CEP63: variants seen among roughly 807,000 people sequenced by gnomAD.
CEP63 encodes centrosomal protein of 63 kDa.
CEP63 carries 84 observed loss-of-function variants against 89.1 expected under a neutral mutation model. That is an observed-to-expected ratio of 0.94 (90% CI 0.79 to 1.13). The LOEUF (loss-of-function observed/expected upper bound fraction) is 1.13, where lower values mean the gene tolerates loss of function less well. Ranked by LOEUF, CEP63 falls within the 50% of genes most tolerant of loss-of-function variation. The pLI, the probability that CEP63 is intolerant of heterozygous loss-of-function variation, is 0.00. For missense variants in CEP63, 838 were observed against 813.3 expected (o/e 1.03, Z -0.37); for synonymous variants, 267 against 272.5 (o/e 0.98, Z 0.20).
chr3:134,636,684 G>A, the CEP63 span, among the ~76,000 whole-genome samples: 5 of 152,334 alleles, frequency 3.3e-5, no homozygotes, highest in East Asian at 9.6e-4. Flanking sequence ...CTGCAGATTG[G>A]TGAGCTCGTA....
At chr3:134,671,065 A>C in the CEP63 span, among the ~76,000 whole-genome samples, 1 of 152,194 alleles carries the variant, frequency 6.6e-6, no homozygotes, top group African/African-American at 2.4e-5. Context: ...CTGGGGCGGA[A>C]GGGAGAAGAA....
At chr3:134,571,920 G>T (rs901189104) in intron 11 of CEP63, among the ~76,000 whole-genome samples, 1 of 152,198 alleles carries the variant, frequency 6.6e-6, no homozygotes, top group African/African-American at 2.4e-5. Flanking sequence ...ATTGTAATGA[G>T]CTATGAAAAT....
chr3:134,619,545 T>C, the CEP63 span, among the ~76,000 whole-genome samples: 8 of 152,300 alleles, frequency 5.3e-5, no homozygotes, highest in East Asian at 1.4e-3. Context: ...GGCATGGGGC[T>C]CTCTCTGCTA....
intron 1 of CEP63, among the ~76,000 whole-genome samples, chr3:134,493,413 G>A (rs904392616): frequency 7.3e-5 from 11 of 151,506 alleles, no homozygotes; most frequent in African/African-American, 2.7e-4. Context: ...ACCAAAACAT[G>A]GAATCTTGGT....
chr3:134,741,724 T>C, the CEP63 span, among the ~76,000 whole-genome samples: 1 of 152,266 alleles, frequency 6.6e-6, no homozygotes. Flanking sequence ...ATATATTTAC[T>C]TCTTTTTTCC....
the CEP63 span, chr3:134,607,426 GGC>G: frequency 1.1e-5 from 11 of 985,524 alleles, no homozygotes; most frequent in Non-Finnish European, 1.3e-5. Flanking sequence ...CCCACCCACA[GGC>G]ACCCTGTGCT....
Position 134,564,936 on chromosome 3 carries a change from G to T in CEP63, c.*3401G>T. On this transcript the variant is annotated 3_prime_UTR_variant, in exon 15 of 15. Transcript: ENST00000675561. The stretch of plus-strand genomic sequence containing the variant: ...TGAAGTATCTAATAGTTAATGGGTT[G>T]TCCAAATTTGTCAGAACATTTGACT... The T allele has an allele frequency of 2.0e-6, 2 of 983,184 alleles. No individual in the cohort carries two copies. Among genetic ancestry groups the T allele is most frequent in the African/African-American group, 3.5e-5 (2 of 57,302 alleles). 60.9% of individuals were successfully genotyped at this position (983,184 alleles called of 1,614,324 possible). A position where few individuals can be genotyped will look rare whatever the true frequency, so the allele number is the denominator to read the frequency against.
At chr3:134,584,948 T>G (rs1958446034) in intron 10 of CEP63, among the ~76,000 whole-genome samples, 1 of 117,758 alleles carries the variant, frequency 8.5e-6, no homozygotes, top group Non-Finnish European at 1.8e-5. Flanking sequence ...TCTTCTAGAT[T>G]TTCTAGGGTT....
the CEP63 span, among the ~76,000 whole-genome samples, chr3:134,642,438 C>T: frequency 6.6e-6 from 1 of 152,196 alleles, no homozygotes; most frequent in East Asian, 1.9e-4. Context: ...CAGCAGTTAA[C>T]CAAGGTGGGC....
the CEP63 span, among the ~76,000 whole-genome samples, chr3:134,698,407 A>AG: frequency 2.6e-5 from 4 of 152,172 alleles, no homozygotes; most frequent in African/African-American, 9.7e-5. Flanking sequence ...TTCTGAGTGA[A>AG]GGGGGGCGGG....
the CEP63 span, among the ~76,000 whole-genome samples, chr3:134,652,913 A>G: frequency 2.0e-5 from 3 of 152,208 alleles, no homozygotes; most frequent in South Asian, 6.2e-4. Flanking sequence ...AGTGTTGGTG[A>G]TGGTGGGGGG....
At chr3:134,523,670 G>T (rs1389889776) in intron 3 of CEP63, among the ~76,000 whole-genome samples, 1 of 152,024 alleles carries the variant, frequency 6.6e-6, no homozygotes, top group Non-Finnish European at 1.5e-5. Context: ...GCTTGTTTTT[G>T]TCAGTTTTGT....
chr3:134,683,869 G>A, the CEP63 span, among the ~76,000 whole-genome samples: 1 of 151,992 alleles, frequency 6.6e-6, no homozygotes, highest in East Asian at 1.9e-4. Flanking sequence ...TGACTGGGTT[G>A]GGGTCACCTG....
intron 10 of CEP63, among the ~76,000 whole-genome samples, chr3:134,580,208 A>C (rs1454990136): frequency 6.6e-6 from 1 of 152,040 alleles, no homozygotes; most frequent in Non-Finnish European, 1.5e-5. Context: ...AAAAAAAAAA[A>C]AACACTAAGT....
At chr3:134,535,454 A>G (rs1305069033) in intron 5 of CEP63, 1 of 146,632 alleles carries the variant, frequency 6.8e-6, no homozygotes, top group Non-Finnish European at 1.5e-5. Flanking sequence ...CTCAGTCTCC[A>G]TTATTCCTTA....
the CEP63 span, among the ~76,000 whole-genome samples, chr3:134,756,670 G>A: frequency 6.6e-6 from 1 of 152,158 alleles, no homozygotes. Context: ...TATCCTTATT[G>A]ACAGCCTCGT....
chr3:134,579,983 G>A (rs1370772063), downstream of CEP63, among the ~76,000 whole-genome samples: 2 of 152,248 alleles, frequency 1.3e-5, no homozygotes, highest in Non-Finnish European at 2.9e-5. Context: ...ATCACCTGAG[G>A]TCAGGAGTTT....
chr3:134,640,111 T>C, the CEP63 span, among the ~76,000 whole-genome samples: 4 of 152,192 alleles, frequency 2.6e-5, no homozygotes, highest in East Asian at 5.8e-4. Flanking sequence ...TTGCCACCTG[T>C]TGCATAAAGT....
chr3:134,582,073 T>A (rs1958369327), intron 10 of CEP63, among the ~76,000 whole-genome samples: 1 of 152,030 alleles, frequency 6.6e-6, no homozygotes, highest in African/African-American at 2.4e-5. Flanking sequence ...AAAGTGTCCA[T>A]CTGTCAGAAG....
Sources: gnomAD v4.1 joint callset for allele counts (sites outside exome capture counted in the v4.1 genomes callset) on GRCh38, gnomAD v4.1.1 for gene constraint, MANE v1.5 for transcripts, NCBI Gene and HGNC (gene_info 2026-07-23, HGNC 2026-07-21) for gene names.